NRCAM: variants seen among roughly 807,000 people sequenced by gnomAD.
The protein encoded by NRCAM is neuronal cell adhesion molecule.
NRCAM carries 83 observed loss-of-function variants against 156.5 expected under a neutral mutation model. The observed-to-expected ratio is 0.53, with a 90% confidence interval of 0.44 to 0.64. The LOEUF is 0.64. Among genes scored for constraint, NRCAM ranks in the 30% least tolerant of loss-of-function variants. The pLI is 0.00. For missense variants in NRCAM, 1,417 were observed against 1,597.3 expected (o/e 0.89, Z 1.92); for synonymous variants, 538 against 563.9 (o/e 0.95, Z 0.65).
rs17155726 is a variant in NRCAM at position 108,424,771 on chromosome 7, C to A, written c.-331-25178G>T. On this transcript the variant is annotated intron_variant, in intron 1 of 32. Transcript: ENST00000379028. Reference sequence around the variant, plus strand: ...TTTAAAACATGTATAATTATTAAATCCCAAATCTGCATGTTATTTTTGAGC... The same window carrying A: ...TTTAAAACATGTATAATTATTAAATACCAAATCTGCATGTTATTTTTGAGC... Among the ~76,000 whole-genome samples the A allele has an allele frequency of 2.8e-3, 432 of 152,098 alleles. 4 individuals are homozygous for A. Among genetic ancestry groups the A allele is most frequent in the African/African-American group, 1.0e-2 (415 of 41,502 alleles).
chr7:108,317,525 G>C (rs764917931), intron 2 of NRCAM, among the ~76,000 whole-genome samples: 5 of 152,184 alleles, frequency 3.3e-5, no homozygotes, highest in Non-Finnish European at 4.4e-5. Context: ...ATGGCAGATA[G>C]TGAGAAACTA....
chr7:108,289,696 A>G (rs2098225934), intron 3 of NRCAM, among the ~76,000 whole-genome samples: 1 of 152,118 alleles, frequency 6.6e-6, no homozygotes, highest in Non-Finnish European at 1.5e-5. Flanking sequence ...CCTTATCTAG[A>G]TTCCTCACTA....
At chr7:108,397,195 A>T (rs1342435748) in intron 2 of NRCAM, among the ~76,000 whole-genome samples, 1 of 152,180 alleles carries the variant, frequency 6.6e-6, no homozygotes, top group Non-Finnish European at 1.5e-5. Flanking sequence ...TAAGTTACTT[A>T]ATTTTGCCTC....
intron 1 of NRCAM, among the ~76,000 whole-genome samples, chr7:108,449,694 T>C (rs1380054183): frequency 6.6e-6 from 1 of 152,218 alleles, no homozygotes; most frequent in Non-Finnish European, 1.5e-5. Context: ...ATGCATGCCA[T>C]AAATCATGCC....
chr7:108,361,845 G>A (rs1427131253), intron 2 of NRCAM, among the ~76,000 whole-genome samples: 1 of 151,972 alleles, frequency 6.6e-6, no homozygotes, highest in Non-Finnish European at 1.5e-5. Flanking sequence ...TTACATATGT[G>A]TATATACGTA....
chr7:108,314,694 G>A (rs751485442), intron 2 of NRCAM, among the ~76,000 whole-genome samples: 59 of 152,162 alleles, frequency 3.9e-4, no homozygotes, highest in Non-Finnish European at 6.3e-4. Flanking sequence ...CTGTTTCAGA[G>A]TAAATTGCTA....
chr7:108,451,402 C>A (rs977650476), intron 1 of NRCAM, among the ~76,000 whole-genome samples: 3 of 144,092 alleles, frequency 2.1e-5, no homozygotes, highest in Admixed American at 1.4e-4. Flanking sequence ...AAGAGTATAA[C>A]GATGTCTCAA....
intron 3 of NRCAM, among the ~76,000 whole-genome samples, chr7:108,297,410 G>A: frequency 6.6e-6 from 1 of 152,164 alleles, no homozygotes; most frequent in East Asian, 1.9e-4. Context: ...CATTTCTAAA[G>A]CTTTAGAAAT....
intron 2 of NRCAM, among the ~76,000 whole-genome samples, chr7:108,363,140 A>G (rs560227785): frequency 6.6e-6 from 1 of 152,350 alleles, no homozygotes; most frequent in East Asian, 1.9e-4. Flanking sequence ...AATCCCAAGT[A>G]TAAAATAAAT....
intron 3 of NRCAM, among the ~76,000 whole-genome samples, chr7:108,245,875 A>G (rs2095873007): frequency 6.6e-6 from 1 of 152,250 alleles, no homozygotes; most frequent in South Asian, 2.1e-4. Flanking sequence ...TTAGCACAGC[A>G]GTAACAAGAA....
chr7:108,373,052 G>T (rs2099639201), intron 2 of NRCAM, among the ~76,000 whole-genome samples: 1 of 152,108 alleles, frequency 6.6e-6, no homozygotes, highest in Non-Finnish European at 1.5e-5. Context: ...CAACTACATG[G>T]ATGAACATTG....
chr7:108,286,150 T>C (rs906492422), intron 3 of NRCAM, among the ~76,000 whole-genome samples: 3 of 152,224 alleles, frequency 2.0e-5, no homozygotes, highest in African/African-American at 4.8e-5. Context: ...TTGAATTTCA[T>C]GTAATTTTTC....
intron 3 of NRCAM, among the ~76,000 whole-genome samples, chr7:108,250,158 C>T (rs1285548225): frequency 1.3e-5 from 2 of 152,120 alleles, no homozygotes; most frequent in Non-Finnish European, 2.9e-5. Context: ...ATAGCTCATG[C>T]CTCTAATCCC....
At chr7:108,242,306 C>T (rs1322278389) in intron 3 of NRCAM, among the ~76,000 whole-genome samples, 1 of 148,546 alleles carries the variant, frequency 6.7e-6, no homozygotes, top group Non-Finnish European at 1.5e-5. Context: ...AGATTATACA[C>T]TTACATAAAT....
At chr7:108,427,028 A>G (rs1818170281) in intron 1 of NRCAM, among the ~76,000 whole-genome samples, 2 of 152,130 alleles carry the variant, frequency 1.3e-5, no homozygotes, top group African/African-American at 4.8e-5. Flanking sequence ...CCATATTCCA[A>G]CACCGAAGCT....
intron 23 of NRCAM, among the ~76,000 whole-genome samples, chr7:108,182,166 C>T (rs907551830): frequency 2.6e-5 from 4 of 151,278 alleles, no homozygotes; most frequent in Non-Finnish European, 5.9e-5. Context: ...AATTCCTTGA[C>T]TCAAGGGATC....
At chr7:108,387,600 A>G (rs1036521761) in intron 2 of NRCAM, among the ~76,000 whole-genome samples, 1 of 152,130 alleles carries the variant, frequency 6.6e-6, no homozygotes, top group African/African-American at 2.4e-5. Context: ...GTTCTAGGGT[A>G]CATGTGCACA....
intron 2 of NRCAM, among the ~76,000 whole-genome samples, chr7:108,384,102 G>C: frequency 6.6e-6 from 1 of 152,152 alleles, no homozygotes; most frequent in East Asian, 1.9e-4. Context: ...TACTTGATCT[G>C]GGAGGGTGGG....
Position 108,184,446 on chromosome 7 carries a change from G to A in NRCAM, c.2204C>T (p.Ala735Val), listed in dbSNP as rs752147034. ...NSIGKSLPSE[A>V]SEQYLTKASE... ...GGCTTTCGTCAAATACTGCTCAGAC[G>A]CCTCGCTGGGCAAGCTCTTCCCAAT... The change falls in exon 21 of 33, where the codon GCG becomes GTG. Residue 735 changes from alanine to valine, a missense_variant. Ala to Val is a moderately conservative substitution (Grantham distance 64, BLOSUM62 0). Transcript: ENST00000379028. 5 of 1,614,136 alleles carry A rather than the reference G, an allele frequency of 3.1e-6. No homozygotes were observed. In the African/African-American group the frequency reaches 4.0e-5, roughly 13 times the overall value.
Sources: allele counts gnomAD v4.1 joint callset (sites outside exome capture counted in the v4.1 genomes callset), GRCh38; gene constraint gnomAD v4.1.1; transcripts MANE v1.5; gene names NCBI Gene and HGNC (gene_info 2026-07-23, HGNC 2026-07-21).